Variants in PLXNA1 observed in about 807,000 individuals in gnomAD.
PLXNA1 encodes the protein plexin A1, also known as plexin-A1.
A neutral mutation model predicts 191.7 loss-of-function variants in PLXNA1; 77 were observed. The ratio of observed to expected loss-of-function variants is 0.40; its 90% CI spans 0.33 to 0.49. The LOEUF (loss-of-function observed/expected upper bound fraction) is 0.49, where lower values mean the gene tolerates loss of function less well. Among genes scored for constraint, PLXNA1 ranks in the 20% least tolerant of loss-of-function variants. PLXNA1 has a pLI of 0.63. For missense variants in PLXNA1, 2,110 were observed against 2,660.2 expected, an observed-to-expected ratio of 0.79 and a Z score of 4.55; for synonymous variants, 1,137 against 1,156.4, an observed-to-expected ratio of 0.98 and a Z score of 0.34.
At chr3:127,021,044 C>G (rs1414875959) in intron 21 of PLXNA1, among the ~76,000 whole-genome samples, 1 of 152,216 alleles carries the variant, frequency 6.6e-6, no homozygotes, top group East Asian at 1.9e-4. Flanking sequence ...CAGGTTAGCT[C>G]AGTCACACTC....
intron 9 of PLXNA1, among the ~76,000 whole-genome samples, chr3:127,008,479 T>G (rs927110642): frequency 2.0e-5 from 3 of 152,314 alleles, no homozygotes; most frequent in Admixed American, 2.0e-4. Flanking sequence ...AACAGCAGGC[T>G]GTTCCTTCTG....
intron 9 of PLXNA1, among the ~76,000 whole-genome samples, chr3:127,009,111 CT>C (rs149095978): frequency 0.036 from 5,526 of 152,232 alleles, 320 homozygotes; most frequent in African/African-American, 0.13. Flanking sequence ...CATGAAGTCA[CT>C]GTGGGGATGA....
intron 1 of PLXNA1, among the ~76,000 whole-genome samples, chr3:126,984,993 G>T (rs921185499): frequency 6.6e-6 from 1 of 152,326 alleles, no homozygotes; most frequent in South Asian, 2.1e-4. Context: ...CCGTTGTGGG[G>T]GAGGCGGAGT....
rs1009036204 is a variant in PLXNA1, at chr3:127,037,138, G to T, written c.*3121G>T. On this transcript the variant is annotated 3_prime_UTR_variant, in exon 32 of 32. Transcript: ENST00000393409. ...TAGAATAGATATATTTAGAGAGAGA[G>T]ATATTTTTAAGACAAAGCCCACAAT... 11 of 152,622 alleles carry T rather than the reference G, an allele frequency of 7.2e-5. No homozygotes were observed. Among genetic ancestry groups the T allele is most frequent in the Admixed American group, 1.3e-4 (2 of 15,294 alleles). 9.5% of individuals were successfully genotyped at this position (152,622 alleles called of 1,614,324 possible).
chr3:127,002,242 C>G (rs1576674826), intron 3 of PLXNA1, among the ~76,000 whole-genome samples: 1 of 152,378 alleles, frequency 6.6e-6, no homozygotes, highest in East Asian at 1.9e-4. Flanking sequence ...CTCCACTCTT[C>G]CGGGTCTGGT....
intron 1 of PLXNA1, among the ~76,000 whole-genome samples, chr3:126,987,949 T>C (rs2078967894): frequency 6.6e-6 from 1 of 151,596 alleles, no homozygotes; most frequent in Non-Finnish European, 1.5e-5. Flanking sequence ...ATGTCCTCCG[T>C]GGTGCCTCTG....
chr3:126,992,018 C>A (rs1004647466), intron 3 of PLXNA1, among the ~76,000 whole-genome samples: 2 of 152,198 alleles, frequency 1.3e-5, no homozygotes, highest in African/African-American at 4.8e-5. Context: ...TCCCCAGCCC[C>A]TCTACTGGGC....
At chr3:126,986,491 T>C (rs2078959753) in intron 1 of PLXNA1, among the ~76,000 whole-genome samples, 1 of 150,342 alleles carries the variant, frequency 6.7e-6, no homozygotes, top group Non-Finnish European at 1.5e-5. Flanking sequence ...GTGTGGGGAG[T>C]GAAACAGGAG....
intron 23 of PLXNA1, chr3:127,027,620 G>A (rs1237315567): frequency 2.0e-6 from 1 of 502,856 alleles, no homozygotes; most frequent in Non-Finnish European, 3.9e-6. Flanking sequence ...ACTTCTGGGT[G>A]AAATAGGCCT....
At chr3:127,031,220 C>G (rs933036188) in intron 29 of PLXNA1, among the ~76,000 whole-genome samples, 25 of 152,202 alleles carry the variant, frequency 1.6e-4, no homozygotes, top group African/African-American at 5.8e-4. Flanking sequence ...GTCTGTGGCC[C>G]CCTGCTCCGG....
At chr3:126,997,572 G>A (rs1262893641) in intron 3 of PLXNA1, among the ~76,000 whole-genome samples, 1 of 152,226 alleles carries the variant, frequency 6.6e-6, no homozygotes, top group Non-Finnish European at 1.5e-5. Context: ...CCCCTTCACG[G>A]GGCCCTGCAC....
chr3:126,985,436 C>A (rs1287603883), intron 1 of PLXNA1, among the ~76,000 whole-genome samples: 2 of 152,134 alleles, frequency 1.3e-5, no homozygotes, highest in African/African-American at 2.4e-5. Context: ...CACAGCCGTT[C>A]CTACTGCCCT....
intron 12 of PLXNA1, 35 bp downstream of exon 12, chr3:127,014,410 C>T (rs1312451171): frequency 6.4e-7 from 1 of 1,570,624 alleles, no homozygotes; most frequent in East Asian, 2.3e-5. Flanking sequence ...CACCCCATGC[C>T]CCGCCCTGCA....
At chr3:126,997,551 G>C (rs1044549673) in intron 3 of PLXNA1, among the ~76,000 whole-genome samples, 1 of 152,218 alleles carries the variant, frequency 6.6e-6, no homozygotes, top group African/African-American at 2.4e-5. Flanking sequence ...GCCCAGGCCA[G>C]CAGTCCCAGT....
intron 9 of PLXNA1, among the ~76,000 whole-genome samples, chr3:127,008,563 G>A (rs182688672): frequency 1.6e-4 from 24 of 152,328 alleles, no homozygotes; most frequent in African/African-American, 5.5e-4. Context: ...AGCTGAGGCC[G>A]GAGCTGTGGC....
In PLXNA1 at chr3:127,030,300, C is replaced by T. The variant is rs1447339260; in HGVS notation, c.5119C>T (p.Arg1707Trp). 8.1e-6 allele frequency: 13 copies of T among 1,613,784 alleles called. No individual in the cohort carries two copies. Among genetic ancestry groups the T allele is most frequent in the Admixed American group, 5.0e-5 (3 of 60,006 alleles). ...TGAGACCATCTTCAGCACGGCACACCGGGGCTCAGCCCTGCCGCTGGCCAT... is the reference window on the plus strand; with the variant it reads ...TGAGACCATCTTCAGCACGGCACACTGGGGCTCAGCCCTGCCGCTGGCCAT... ...LFETIFSTAHRGSALPLAIKY... is the reference protein window; with the variant it reads ...LFETIFSTAHWGSALPLAIKY... Residue 1707 changes from arginine (R) to tryptophan (W), a missense_variant, in exon 29 of 32, where the codon CGG (arginine) becomes TGG (tryptophan). By Grantham distance (101) the Arg-to-Trp change is moderately radical (BLOSUM62 -3). This residue lies in a region of PLXNA1 where 559 missense variants were observed against 911.5 expected (regional missense o/e 0.61). Transcript: ENST00000393409.
chr3:126,985,440 C>G lies in PLXNA1; in HGVS notation c.-74+2153C>G, dbSNP rs188552221. ...TGCCGGAGAGCCACAGCCGTTCCTA[C>G]TGCCCTCTGCACAGCCAGTGTTTCC... On this transcript the variant is annotated intron_variant, in intron 1 of 31. Transcript: ENST00000393409. Among the ~76,000 whole-genome samples, 430 of 152,268 alleles carry G rather than the reference C, an allele frequency of 2.8e-3. 3 individuals carry two copies. The highest frequency in any genetic ancestry group is 9.9e-3 in the African/African-American group (410 of 41,552).
intron 14 of PLXNA1, 143 bp downstream of exon 14, chr3:127,014,974 C>A: frequency 7.1e-7 from 1 of 1,410,022 alleles, no homozygotes. Flanking sequence ...CCCTCCCCTC[C>A]TGTGCCTAGG....
In PLXNA1 at chr3:127,005,238, G is replaced by A. The variant is rs775444611; in HGVS notation, c.1892G>A (p.Gly631Asp). The change falls in exon 7 of 32, where the codon GGC becomes GAC. Residue 631 changes from glycine to aspartate, a missense_variant. This residue lies in a region of PLXNA1 where 903 missense variants were observed against 1,015.7 expected (regional missense o/e 0.89). Coordinates refer to ENST00000393409, the MANE Select transcript of PLXNA1 (RefSeq NM_032242.4). ...SAREVAPITR[G>D]QGDQRVVKLY... ...CGGGAGGTGGCGCCCATCACGCGGG[G>A]CCAGGGTGAGTGGCCCCAACACAAT... 1.2e-5 allele frequency: 20 copies of A among 1,604,448 alleles called. 1 individual carries two copies. In the East Asian group the frequency reaches 3.4e-4, roughly 27 times the overall value.
Sources: allele counts gnomAD v4.1 joint callset (sites outside exome capture counted in the v4.1 genomes callset), GRCh38; gene constraint gnomAD v4.1.1; regional missense constraint gnomAD v4.1.1; transcripts MANE v1.5; gene names NCBI Gene and HGNC (gene_info 2026-07-23, HGNC 2026-07-21).